COPS2: variants seen among roughly 807,000 people sequenced by gnomAD.
COPS2 encodes the protein COP9 signalosome subunit 2, also known as COP9 signalosome complex subunit 2.
A neutral mutation model predicts 66.1 loss-of-function variants in COPS2; 10 were observed. The ratio of observed to expected loss-of-function variants is 0.15; its 90% CI spans 0.09 to 0.26. The LOEUF is 0.26. Ranked by LOEUF, COPS2 falls within the 10% of genes least tolerant of loss-of-function variation. The probability of loss-of-function intolerance (pLI) is 1.00; values close to 1 mark genes in which losing one functional copy is unlikely to be tolerated. For synonymous variants in COPS2, 179 were observed against 171.3 expected (o/e 1.04, Z -0.35); for missense variants, 215 against 513.3 (o/e 0.42, Z 5.62).
At position 49,134,484 on chromosome 15, in the gene COPS2, CT is replaced by C. The variant is rs2141125109; in HGVS notation, c.570del (p.Gly191ValfsTer5). 6.2e-7 allele frequency: 1 copy of C among 1,610,864 alleles called. No individual in the cohort carries two copies. Among genetic ancestry groups the C allele is most frequent in the Non-Finnish European group, 8.5e-7 (1 of 1,179,112 alleles). Reference protein sequence around the residue: ...QTDDGEDDLKKGTQLLEIYAL... With the variant: ...QTDDGEDDLKXGTQLLEIYAL... ...GCATATATTTCTAATAACTGTGTACCTTTTTTCAGATCATCTTCTCCATCAT... is the reference window on the plus strand; with the variant it reads ...GCATATATTTCTAATAACTGTGTACCTTTTTCAGATCATCTTCTCCATCAT... On this transcript the variant is annotated frameshift_variant, in exon 7 of 13. Transcript: ENST00000388901. LOFTEE classifies it high-confidence loss of function.
Position 49,127,921 on chromosome 15 carries a change from T to A in COPS2, c.*29A>T. 6.2e-7 allele frequency: 1 copy of A among 1,612,020 alleles called. No homozygotes were observed. The highest frequency in any genetic ancestry group is 1.7e-4 in the Middle Eastern group (1 of 6,052). On this transcript the variant is annotated 3_prime_UTR_variant, in exon 13 of 13. Coordinates refer to ENST00000388901, the MANE Select transcript of COPS2 (RefSeq NM_004236.4). ...GGATTACATCTCTGCACTGTTGCCT[T>A]AAGGACGTCTGTAAAAGCTTGTTCT... is the stretch of plus-strand genomic sequence containing the variant.
Position 49,133,798 on chromosome 15 carries a change from T to C in COPS2, c.908A>G (p.Lys303Arg). The part of the protein sequence containing the change: ...PFDSQEAKPY[K>R]NDPEILAMTN... ...CATTGCTAAAATTTCTGGATCATTT[T>C]TGTACGGCTTGGCCTAAACACAGTA... The change falls in exon 9 of 13, where the codon AAA (lysine) becomes AGA (arginine). Residue 303 changes from lysine (K) to arginine (R), a missense_variant. Physicochemically the swap from Lys to Arg is conservative, Grantham distance 26. This residue lies in a region of COPS2 where 56 missense variants were observed against 173.6 expected (regional missense o/e 0.32). Coordinates refer to ENST00000388901, the MANE Select transcript of COPS2 (RefSeq NM_004236.4). 4 of 1,602,672 alleles carry C rather than the reference T, an allele frequency of 2.5e-6. No homozygotes were observed. The highest frequency in any genetic ancestry group is 1.1e-5 in the South Asian group (1 of 87,964).
intron 1 of COPS2, among the ~76,000 whole-genome samples, chr15:49,149,708 TACTC>T (rs1263254550): frequency 6.6e-6 from 1 of 152,206 alleles, no homozygotes; most frequent in Non-Finnish European, 1.5e-5. Flanking sequence ...CTCATTTACT[TACTC>T]TTGTATTTAC....
At chr15:49,153,926 T>C (rs1184435313) in intron 1 of COPS2, among the ~76,000 whole-genome samples, 1 of 152,128 alleles carries the variant, frequency 6.6e-6, no homozygotes, top group Non-Finnish European at 1.5e-5. Flanking sequence ...TAATGGTATG[T>C]ACAAACCAAC....
chr15:49,140,161 T>A (rs1001329466), intron 3 of COPS2, among the ~76,000 whole-genome samples: 12 of 138,488 alleles, frequency 8.7e-5, no homozygotes, highest in Non-Finnish European at 1.7e-4. Flanking sequence ...TAATTTTGTA[T>A]TTTTTTTTTT....
At chr15:49,134,543 A>G (rs759436226) in intron 6 of COPS2, 29 bp from the exon 7 acceptor site, 2 of 1,539,912 alleles carry the variant, frequency 1.3e-6, no homozygotes, top group African/African-American at 2.8e-5. Flanking sequence ...AACTTTAGAC[A>G]AGATAGAATT....
At chr15:49,137,901 T>C (rs1220423503) in intron 4 of COPS2, 3 of 157,170 alleles carry the variant, frequency 1.9e-5, no homozygotes, top group African/African-American at 4.8e-5. Flanking sequence ...GAAATGTACA[T>C]AGAACTAGTT....
intron 9 of COPS2, among the ~76,000 whole-genome samples, chr15:49,131,494 T>A (rs2084208521): frequency 6.6e-6 from 1 of 151,668 alleles, no homozygotes; most frequent in East Asian, 1.9e-4. Context: ...GAATCCAACC[T>A]TGTGGATATG....
intron 2 of COPS2, among the ~76,000 whole-genome samples, 198 bp from the exon 3 acceptor site, chr15:49,144,502 C>G (rs2084308681): frequency 1.3e-5 from 2 of 152,056 alleles, no homozygotes; most frequent in African/African-American, 4.8e-5. Flanking sequence ...GATAAGCAAG[C>G]TTAAAGTTCC....
rs1353652814 is a variant in COPS2 at position 49,130,762 on chromosome 15, G to A, written c.1002C>T (p.His334=). The change falls in exon 10 of 13, where the codon CAC becomes CAT. Residue 334 remains histidine (H), a synonymous_variant. Transcript: ENST00000388901. The part of the protein sequence containing the change: ...TEFEKILKTN[H]SNIMDDPFIR... ...TGAAAGGATCATCCATGATGTTGCT[G>A]TGATTTGTTTTTAGAATCTTTTCAA... 2 of 1,605,632 alleles carry A rather than the reference G, an allele frequency of 1.2e-6. No individual in the cohort carries two copies. The highest frequency in any genetic ancestry group is 1.7e-5 in the Admixed American group (1 of 59,810).
intron 4 of COPS2, among the ~76,000 whole-genome samples, chr15:49,138,304 A>G (rs2084267694): frequency 6.6e-6 from 1 of 150,602 alleles, no homozygotes; most frequent in Admixed American, 6.7e-5. Context: ...AAGAGCAGGA[A>G]AATTTCACAT....
rs181190194 is a variant in COPS2 at position 49,154,679 on chromosome 15, T to C, written c.54+846A>G. 9.2e-5 allele frequency among the ~76,000 whole-genome samples: 14 copies of C among 152,366 alleles called. No homozygotes were observed. In the East Asian group the frequency reaches 2.1e-3, roughly 23 times the overall value. The stretch of plus-strand genomic sequence containing the variant: ...GATAATTTTCTGAGTTTCCACACGA[T>C]GTTTTTGAATAGCAAACGTTATTCA... On this transcript the variant is annotated intron_variant, in intron 1 of 12. Transcript: ENST00000388901.
chr15:49,127,991 G>T lies in COPS2; in HGVS notation c.1291C>A (p.Leu431Ile). 6.2e-7 allele frequency: 1 copy of T among 1,613,954 alleles called. No homozygotes were observed. Among genetic ancestry groups the T allele is most frequent in the Non-Finnish European group, 8.5e-7 (1 of 1,179,892 alleles). The change falls in exon 13 of 13, where the codon CTA (leucine) becomes ATA (isoleucine). Residue 431 changes from leucine (L) to isoleucine (I), a missense_variant. Leu to Ile is a conservative substitution (Grantham distance 5, BLOSUM62 2). This residue lies in a region of COPS2 where 42 missense variants were observed against 55.9 expected (regional missense o/e 0.75). Transcript: ENST00000388901. ...ACTACAGCCTGGTTGAGAGAATTTA[G>T]TTGGTTGGTCCATTTATCTAGTGCA... The part of the protein sequence containing the change: ...YTALDKWTNQ[L>I]NSLNQAVVSK...
rs1012786288 is a variant in COPS2 at position 49,139,652 on chromosome 15, G to T, written c.248C>A (p.Thr83Lys). 6.3e-7 allele frequency: 1 copy of T among 1,580,476 alleles called. No homozygotes were observed. The highest frequency in any genetic ancestry group is 8.6e-7 in the Non-Finnish European group (1 of 1,166,846). The part of the protein sequence containing the change: ...KQMIKINFKL[T>K]NFPEMMNRYK... ...TCTATTCATCATTTCTGGAAAGTTTGTCTGTGAGAAAAGAAAAATGAATTA... is the reference window on the plus strand; with the variant it reads ...TCTATTCATCATTTCTGGAAAGTTTTTCTGTGAGAAAAGAAAAATGAATTA... The change falls in exon 4 of 13, where the codon ACA (threonine) becomes AAA (lysine). Residue 83 changes from threonine (T) to lysine (K), a missense_variant and splice_region_variant. Around this residue, in one of 5 missense-constraint regions of COPS2, gnomAD observed 90 missense variants for 225.1 expected, o/e 0.40. Coordinates refer to ENST00000388901, the MANE Select transcript of COPS2 (RefSeq NM_004236.4).
intron 1 of COPS2, among the ~76,000 whole-genome samples, chr15:49,154,659 T>C (rs1202828969): frequency 6.6e-6 from 1 of 152,184 alleles, no homozygotes; most frequent in African/African-American, 2.4e-5. Context: ...ATCAAGATAA[T>C]TTTCTGAGTT....
Position 49,127,249 on chromosome 15 carries a change from T to A in COPS2, c.*701A>T, listed in dbSNP as rs2084174504. The A allele has an allele frequency of 6.6e-6, 1 of 152,532 alleles. No individual in the cohort carries two copies. Among genetic ancestry groups the A allele is most frequent in the African/African-American group, 2.4e-5 (1 of 41,434 alleles). 9.4% of individuals were successfully genotyped at this position (152,532 alleles called of 1,614,324 possible). A position where few individuals can be genotyped will look rare whatever the true frequency, so the allele number is the denominator to read the frequency against. ...CCAACTTATTTGCCCCCAGGCTTTT[T>A]AAAATCATTAACTGAAGATAAAATA... On this transcript the variant is annotated 3_prime_UTR_variant, in exon 13 of 13. Transcript: ENST00000388901.
intron 3 of COPS2, among the ~76,000 whole-genome samples, chr15:49,142,694 C>G (rs963627640): frequency 2.6e-5 from 4 of 152,206 alleles, no homozygotes; most frequent in African/African-American, 9.7e-5. Context: ...CCTATCATCT[C>G]CTGATCCTTT....
rs765872248 is a variant in COPS2, at chr15:49,144,260, T to C, written c.213A>G (p.Ala71=). ...EGEKGEWGFK[A]LKQMIKINFK... Reference sequence around the variant, plus strand: ...AGTTAATCTTAATCATTTGTTTCAGTGCTTTAAATCCCCATTCTCCTTTTT... The same window carrying C: ...AGTTAATCTTAATCATTTGTTTCAGCGCTTTAAATCCCCATTCTCCTTTTT... The change falls in exon 3 of 13, where the codon GCA becomes GCG. Residue 71 remains alanine, a synonymous_variant. Transcript: ENST00000388901. The C allele has an allele frequency of 1.9e-6, 3 of 1,610,994 alleles. No homozygotes were observed. The Admixed American group carries it at 5.0e-5, about 27-fold the overall frequency.
chr15:49,150,838 G>T (rs1450331305), intron 1 of COPS2, among the ~76,000 whole-genome samples: 1 of 152,024 alleles, frequency 6.6e-6, no homozygotes, highest in East Asian at 1.9e-4. Flanking sequence ...GAAATAATCT[G>T]TATAATAAAC....
Sources: allele counts gnomAD v4.1 joint callset (sites outside exome capture counted in the v4.1 genomes callset), GRCh38; gene constraint gnomAD v4.1.1; regional missense constraint gnomAD v4.1.1; transcripts MANE v1.5; gene names NCBI Gene and HGNC (gene_info 2026-07-23, HGNC 2026-07-21).